CHM: variants seen among roughly 807,000 people sequenced by gnomAD.
CHM encodes CHM Rab escort protein, also known as rab proteins geranylgeranyltransferase component A 1.
A neutral mutation model predicts 49.0 loss-of-function variants in CHM; 10 were observed. The observed-to-expected ratio is 0.20, with a 90% CI of 0.13 to 0.35. The LOEUF (loss-of-function observed/expected upper bound fraction) is 0.35, where lower values mean the gene tolerates loss of function less well. Ranked by LOEUF, CHM falls within the 10% of genes least tolerant of loss-of-function variation. The pLI, the probability that CHM is intolerant of heterozygous loss-of-function variation, is 1.00. For synonymous variants in CHM, 184 were observed against 167.5 expected, an observed-to-expected ratio of 1.10 and a Z score of -0.76; for missense variants, 455 against 478.4, an observed-to-expected ratio of 0.95 and a Z score of 0.46.
At chrX:85,936,497 A>G (rs2148201704) in intron 8 of CHM, among the ~76,000 whole-genome samples, 1 of 111,966 alleles carries the variant, frequency 8.9e-6, no homozygotes, top group South Asian at 3.7e-4. Flanking sequence ...GACATGTTCA[A>G]GTCCACCTAA....
At chrX:85,935,672 T>C (rs975323503) in intron 8 of CHM, among the ~76,000 whole-genome samples, 4 of 112,282 alleles carry the variant, frequency 3.6e-5, no homozygotes, top group African/African-American at 1.3e-4. Flanking sequence ...AATAGAATCT[T>C]ATAGGAACAC....
intron 4 of CHM, 75 bp from the exon 5 acceptor site, chrX:85,964,127 C>T: frequency 1.1e-6 from 1 of 946,798 alleles, no homozygotes; most frequent in South Asian, 2.3e-5. Flanking sequence ...GTTCAGTGTA[C>T]GTTTTGCTTA....
At chrX:85,869,756 A>G (rs756383603) in intron 14 of CHM, among the ~76,000 whole-genome samples, 20 of 112,027 alleles carry the variant, frequency 1.8e-4, no homozygotes, top group Non-Finnish European at 3.2e-4. Context: ...CTAAGCACAG[A>G]ATAGTTGATT....
chrX:85,962,741 C>T (rs1392331815), intron 5 of CHM, among the ~76,000 whole-genome samples: 1 of 111,656 alleles, frequency 9.0e-6, no homozygotes, highest in African/African-American at 3.3e-5. Context: ...TATCATGACC[C>T]TTTAAGGCCA....
At chrX:86,005,930 T>G (rs1391838745) in intron 2 of CHM, among the ~76,000 whole-genome samples, 2 of 111,773 alleles carry the variant, frequency 1.8e-5, no homozygotes, top group African/African-American at 6.5e-5. Flanking sequence ...AACATCATCC[T>G]GATACCAAAG....
At chrX:85,973,300 CAAAAAAAAAAAAAAAAAAAA>C (rs58103002) in intron 4 of CHM, among the ~76,000 whole-genome samples, 3 of 16,336 alleles carry the variant, frequency 1.8e-4, no homozygotes, top group African/African-American at 2.9e-4. Context: ...TCTGTCTCGA[CAAAAAAAAAAAAAAAAAAAA>C]AAAAAAAAAA....
chrX:86,027,472 C>T lies in CHM; in HGVS notation c.116+19G>A. The T allele has an allele frequency of 8.5e-7, 1 of 1,172,221 alleles. No homozygotes were observed. Among genetic ancestry groups the T allele is most frequent in the Non-Finnish European group, 1.2e-6 (1 of 859,925 alleles). Reference sequence around the variant, plus strand: ...AGAGATATTTAGGAAATATTAAATGCTATCGTTGATAAACTTACGAATCAA... The same window carrying T: ...AGAGATATTTAGGAAATATTAAATGTTATCGTTGATAAACTTACGAATCAA... On this transcript the variant is annotated intron_variant, in intron 2 of 14. Transcript: ENST00000357749.
Position 85,861,228 on chromosome X carries a change from G to C in CHM, c.*3402C>G, listed in dbSNP as rs1297986366. 8.9e-6 allele frequency: 1 copy of C among 112,036 alleles called. No individual in the cohort carries two copies. Among genetic ancestry groups the C allele is most frequent in the African/African-American group, 3.2e-5 (1 of 30,860 alleles). The allele number at this position is 112,036 out of a possible 1,213,427, so 9.2% of individuals were successfully genotyped here. On this transcript the variant is annotated 3_prime_UTR_variant, in exon 15 of 15. Transcript: ENST00000357749. ...TTTCCTCTGAAAACTTACTGGTAAA[G>C]TATACAATTTATGAATAATCATATA...
intron 8 of CHM, among the ~76,000 whole-genome samples, chrX:85,913,363 A>G (rs1927227884): frequency 1.1e-5 from 1 of 94,945 alleles, no homozygotes; most frequent in African/African-American, 3.6e-5. Flanking sequence ...AAAGAAAGAA[A>G]GAAAGAAAGA....
At chrX:85,910,538 T>C (rs1926866693) in intron 9 of CHM, among the ~76,000 whole-genome samples, 1 of 111,677 alleles carries the variant, frequency 9.0e-6, no homozygotes, top group Non-Finnish European at 1.9e-5. Flanking sequence ...AGACCAGTGA[T>C]TATAACTGAA....
chrX:86,010,081 T>C (rs955923068), intron 2 of CHM, among the ~76,000 whole-genome samples: 3 of 105,702 alleles, frequency 2.8e-5, no homozygotes, highest in Non-Finnish European at 3.9e-5. Flanking sequence ...CAAACTATTA[T>C]AAGGACAGAA....
intron 12 of CHM, among the ~76,000 whole-genome samples, chrX:85,880,318 T>C (rs1046733768): frequency 9.0e-6 from 1 of 111,686 alleles, no homozygotes; most frequent in South Asian, 3.7e-4. Context: ...AAAATTATTT[T>C]GGTTAACTTT....
intron 2 of CHM, among the ~76,000 whole-genome samples, chrX:85,986,240 C>A (rs750594893): frequency 1.2e-4 from 13 of 111,069 alleles, no homozygotes; most frequent in Non-Finnish European, 2.1e-4. Flanking sequence ...GGGGTGGAGC[C>A]CCCAGGATAC....
chrX:85,980,766 G>T (rs995313994), intron 3 of CHM, among the ~76,000 whole-genome samples: 8 of 110,727 alleles, frequency 7.2e-5, no homozygotes, highest in Non-Finnish European at 1.3e-4. Flanking sequence ...ATAAAAGTTG[G>T]CAAGCTCCAT....
intron 1 of CHM, among the ~76,000 whole-genome samples, chrX:86,042,574 T>G (rs188541159): frequency 9.1e-6 from 1 of 109,921 alleles, no homozygotes; most frequent in Non-Finnish European, 1.9e-5. Flanking sequence ...TCCCAGCAAT[T>G]TGGGCCACCA....
chrX:85,906,439 C>T (rs1473057285), intron 9 of CHM, among the ~76,000 whole-genome samples: 1 of 111,816 alleles, frequency 8.9e-6, no homozygotes, highest in Non-Finnish European at 1.9e-5. Flanking sequence ...CAAGTTTTGT[C>T]TATTTAGTTA....
At chrX:85,960,753 C>T (rs7880234) in intron 5 of CHM, among the ~76,000 whole-genome samples, 24,689 of 110,031 alleles carry the variant, frequency 0.22, 2,120 homozygotes, top group Non-Finnish European at 0.25. Flanking sequence ...ACCCTCTAAG[C>T]GATCTACCAC....
chrX:85,927,126 A>G (rs1928137113), intron 8 of CHM, among the ~76,000 whole-genome samples: 1 of 112,247 alleles, frequency 8.9e-6, no homozygotes, highest in African/African-American at 3.2e-5. Flanking sequence ...AATTAGTTAC[A>G]AAAAAAGAAA....
At chrX:85,890,949 T>A (rs1346550408) in intron 12 of CHM, among the ~76,000 whole-genome samples, 2 of 111,422 alleles carry the variant, frequency 1.8e-5, no homozygotes, top group Admixed American at 9.5e-5. Flanking sequence ...AGGTCCAGGC[T>A]GAGGTGGTCT....
Sources: allele counts gnomAD v4.1 joint callset (sites outside exome capture counted in the v4.1 genomes callset), GRCh38; gene constraint gnomAD v4.1.1; transcripts MANE v1.5; gene names NCBI Gene and HGNC (gene_info 2026-07-23, HGNC 2026-07-21).